EPHA4: variants seen among roughly 807,000 people sequenced by gnomAD.
The protein encoded by EPHA4 is EPH receptor A4, also known as ephrin type-A receptor 4.
Under a neutral mutation model 108.3 loss-of-function variants are expected in EPHA4, and 19 were observed. That is an observed-to-expected ratio of 0.18 (90% CI 0.12 to 0.26). The LOEUF (loss-of-function observed/expected upper bound fraction) is 0.26, where lower values mean the gene tolerates loss of function less well. EPHA4 is among the 10% of genes least tolerant of loss of function. The pLI is 1.00. For synonymous variants in EPHA4, 449 were observed against 455.5 expected (o/e 0.99, Z 0.18); for missense variants, 917 against 1,254.0 (o/e 0.73, Z 4.06).
intron 11 of EPHA4, 152 bp from the exon 12 acceptor site, chr2:221,437,274 A>C: frequency 1.8e-6 from 1 of 557,914 alleles, no homozygotes; most frequent in Non-Finnish European, 3.2e-6. Context: ...AGCTGTGGGG[A>C]GCTAGGAATG....
chr2:221,435,513 CA>C, intron 13 of EPHA4, among the ~76,000 whole-genome samples: 1 of 151,988 alleles, frequency 6.6e-6, no homozygotes, highest in South Asian at 2.1e-4. Flanking sequence ...CAACCAACAA[CA>C]AAAAACCCCC....
intron 4 of EPHA4, among the ~76,000 whole-genome samples, chr2:221,499,718 AT>A (rs1692414037): frequency 2.3e-5 from 1 of 43,322 alleles, no homozygotes; most frequent in African/African-American, 9.5e-5. Flanking sequence ...TAAAACTAAT[AT>A]ATATATATAT....
At chr2:221,541,657 A>T (rs1355169463) in intron 3 of EPHA4, among the ~76,000 whole-genome samples, 2 of 152,224 alleles carry the variant, frequency 1.3e-5, no homozygotes, top group Non-Finnish European at 2.9e-5. Context: ...ACAGCAAATG[A>T]ATGCTTTACC....
chr2:221,473,552 GAA>G (rs772366510), intron 5 of EPHA4, among the ~76,000 whole-genome samples: 2,580 of 109,654 alleles, frequency 0.024, 60 homozygotes, highest in South Asian at 0.095. Context: ...GTGTTTAAAG[GAA>G]AAAAAAAAAA....
intron 5 of EPHA4, among the ~76,000 whole-genome samples, chr2:221,466,250 T>C (rs1430216): frequency 0.024 from 3,587 of 152,342 alleles, 91 homozygotes; most frequent in East Asian, 0.081. Flanking sequence ...GTTCTCAAAA[T>C]GGTTTGGTTG....
At position 221,418,682 on chromosome 2, in the gene EPHA4, G is replaced by A. The variant is rs964563466; in HGVS notation, c.*2690C>T. 2 of 152,404 alleles carry A rather than the reference G, an allele frequency of 1.3e-5. No homozygotes were observed. The highest frequency in any genetic ancestry group is 2.9e-5 in the Non-Finnish European group (2 of 68,038). 9.4% of individuals were successfully genotyped at this position (152,404 alleles called of 1,614,324 possible). A position where few individuals can be genotyped will look rare whatever the true frequency, so the allele number is the denominator to read the frequency against. On this transcript the variant is annotated 3_prime_UTR_variant, in exon 18 of 18. Transcript: ENST00000281821. ...AACTTGGGGCCTGCATACACAAGGT[G>A]AAGCTACTTGATTTGGTGCAGCGGG...
At chr2:221,450,183 C>G (rs529609355) in intron 8 of EPHA4, among the ~76,000 whole-genome samples, 1 of 152,298 alleles carries the variant, frequency 6.6e-6, no homozygotes, top group South Asian at 2.1e-4. Flanking sequence ...AGGGCCCAGG[C>G]GGACCACCTG....
At chr2:221,482,254 G>T in intron 5 of EPHA4, 98 bp downstream of exon 5, 2 of 1,214,544 alleles carry the variant, frequency 1.6e-6, no homozygotes, top group South Asian at 1.6e-5. Flanking sequence ...AGGCTTGATT[G>T]ATTCTATTTC....
intron 11 of EPHA4, among the ~76,000 whole-genome samples, chr2:221,442,034 T>A (rs1384228642): frequency 6.6e-6 from 1 of 152,190 alleles, no homozygotes; most frequent in Non-Finnish European, 1.5e-5. Flanking sequence ...CACAGACACC[T>A]TGAATCAAAG....
chr2:221,519,994 TCCTCTC>T (rs1490054561), intron 3 of EPHA4, among the ~76,000 whole-genome samples: 4 of 152,032 alleles, frequency 2.6e-5, no homozygotes, highest in Admixed American at 2.6e-4. Context: ...CTCTTTTGCT[TCCTCTC>T]CCATTTCGTT....
intron 8 of EPHA4, among the ~76,000 whole-genome samples, chr2:221,449,244 T>G (rs1369864664): frequency 6.6e-6 from 1 of 152,192 alleles, no homozygotes; most frequent in Non-Finnish European, 1.5e-5. Context: ...TGATGGCCCT[T>G]TTGCCTTGGC....
chr2:221,446,681 C>G (rs1690603836), intron 8 of EPHA4, among the ~76,000 whole-genome samples: 1 of 151,976 alleles, frequency 6.6e-6, no homozygotes, highest in African/African-American at 2.4e-5. Flanking sequence ...TAACTACTAC[C>G]ACAAAACTTC....
Position 221,566,909 on chromosome 2 carries a change from A to G in EPHA4, c.159+1809T>C, listed in dbSNP as rs1275733369. Among the ~76,000 whole-genome samples the G allele has an allele frequency of 8.8e-5, 4 of 45,370 alleles. 1 individual carries two copies. Among genetic ancestry groups the G allele is most frequent in the African/African-American group, 1.3e-4 (1 of 7,416 alleles). 29.8% of individuals were successfully genotyped at this position (45,370 alleles called of 152,430 possible). ...GAGAAGGAGAAGGAGAAGGAGAAGGAGAAGGAGAAGGAGAAGGAGAAGGAG... is the reference window on the plus strand; with the variant it reads ...GAGAAGGAGAAGGAGAAGGAGAAGGGGAAGGAGAAGGAGAAGGAGAAGGAG... On this transcript the variant is annotated intron_variant, in intron 2 of 17. Transcript: ENST00000281821.
At chr2:221,437,247 A>T (rs1690268344) in intron 11 of EPHA4, 125 bp from the exon 12 acceptor site, 2 of 661,218 alleles carry the variant, frequency 3.0e-6, no homozygotes, top group East Asian at 5.4e-5. Context: ...AATTAAAACA[A>T]GCCAAGCTTA....
At chr2:221,462,216 T>G (rs201144875) in intron 5 of EPHA4, among the ~76,000 whole-genome samples, 3 of 152,050 alleles carry the variant, frequency 2.0e-5, no homozygotes, top group Non-Finnish European at 4.4e-5. Flanking sequence ...AAGATGACTA[T>G]GTAAAAATCA....
At chr2:221,513,517 C>T (rs1170715226) in intron 3 of EPHA4, among the ~76,000 whole-genome samples, 2 of 152,064 alleles carry the variant, frequency 1.3e-5, no homozygotes, top group African/African-American at 4.8e-5. Context: ...TTGATGGGGC[C>T]TGAGAATCAC....
intron 4 of EPHA4, among the ~76,000 whole-genome samples, chr2:221,486,735 A>AAATAATAATAATAAT (rs34218724): frequency 7.2e-6 from 1 of 139,008 alleles, no homozygotes. Context: ...CTCTGTCTCA[A>AAATAATAATAATAAT]AATAATAATA....
chr2:221,506,075 C>T (rs1692622447), intron 3 of EPHA4, among the ~76,000 whole-genome samples: 1 of 151,244 alleles, frequency 6.6e-6, no homozygotes. Flanking sequence ...GGTCTCCATA[C>T]AATATTTGGC....
rs183801686 is a variant in EPHA4 at position 221,471,250 on chromosome 2, A to G, written c.1318+11102T>C. The stretch of plus-strand genomic sequence containing the variant: ...TTTGTTTTTGTTTTTATTTTTTTAA[A>G]AAAAGGAAGAAAGAAAGAAAACCAG... On this transcript the variant is annotated intron_variant, in intron 5 of 17. Coordinates refer to ENST00000281821, the MANE Select transcript of EPHA4 (RefSeq NM_004438.5). Among the ~76,000 whole-genome samples the G allele has an allele frequency of 2.4e-3, 369 of 152,182 alleles. 1 individual carries two copies. The highest frequency in any genetic ancestry group is 8.2e-3 in the African/African-American group (342 of 41,534).
Sources: allele counts gnomAD v4.1 joint callset (sites outside exome capture counted in the v4.1 genomes callset), GRCh38; gene constraint gnomAD v4.1.1; transcripts MANE v1.5; gene names NCBI Gene and HGNC (gene_info 2026-07-23, HGNC 2026-07-21).